Variants in TTN observed in about 807,000 individuals in gnomAD.
The protein encoded by TTN is connectin.
In TTN, 1,525 loss-of-function variants were observed where a neutral mutation model predicts 3,223.0. The observed-to-expected ratio is 0.47, with a 90% CI of 0.45 to 0.49. The LOEUF is 0.49. Among genes scored for constraint, TTN ranks in the 20% least tolerant of loss-of-function variants. TTN has a pLI of 0.00. For missense variants in TTN, 40,786 were observed against 43,424.0 expected (o/e 0.94, Z 5.40); for synonymous variants, 14,094 against 15,161.0 (o/e 0.93, Z 5.17).
intron 239 of TTN, 29 bp from the exon 240 acceptor site, chr2:178,629,472 G>A (rs750567948): frequency 1.1e-5 from 17 of 1,611,144 alleles, no homozygotes; most frequent in South Asian, 9.9e-5. Flanking sequence ...ACAGCTTTGC[G>A]TTACTCATTT....
intron 88 of TTN, among the ~76,000 whole-genome samples, chr2:178,716,750 C>T (rs940449135): frequency 3.3e-5 from 5 of 152,070 alleles, no homozygotes; most frequent in Admixed American, 6.5e-5. Context: ...TTACTAAGTA[C>T]TGTGGGAAAA....
chr2:178,642,297 C>A lies in TTN; in HGVS notation c.40498G>T (p.Val13500Phe), dbSNP rs201944202. 1.6e-3 allele frequency: 2,480 copies of A among 1,593,510 alleles called. 3 individuals carry two copies. The highest frequency in any genetic ancestry group is 2.0e-3 in the Non-Finnish European group (2,393 of 1,169,140). The change falls in exon 219 of 363, where the codon GTT becomes TTT. Residue 13500 changes from valine to phenylalanine, a missense_variant. Transcript: ENST00000589042. ...PLKVPGGEKK[V>F]RKLLPERKPE... ...TTACGTTCCGGAAGTAATTTGCGAA[C>A]TTTCTTTTCACCTCCAGGCACTTAA...
At chr2:178,771,920 G>A (rs2091554991) in intron 33 of TTN, among the ~76,000 whole-genome samples, 1 of 152,154 alleles carries the variant, frequency 6.6e-6, no homozygotes, top group Non-Finnish European at 1.5e-5. Flanking sequence ...AAATCACTGT[G>A]TTGGCAAATG....
chr2:178,778,125 T>C, intron 24 of TTN, 150 bp from the exon 25 acceptor site: 4 of 972,134 alleles, frequency 4.1e-6, no homozygotes, highest in Non-Finnish European at 6.2e-6. Flanking sequence ...AGATCTAAAA[T>C]AGAATATATT....
Position 178,653,246 on chromosome 2 carries a change from G to T in TTN, c.38783C>A (p.Pro12928His). Reference protein sequence around the residue: ...LAPPKKPEVPPVKVPEAPKEV... With the variant: ...LAPPKKPEVPHVKVPEAPKEV... Reference sequence around the variant, plus strand: ...AGGTCAGTGACAAATACCTTTAACAGGTGGGACTTCAGGCTTTTTAGGAGG... The same window carrying T: ...AGGTCAGTGACAAATACCTTTAACATGTGGGACTTCAGGCTTTTTAGGAGG... Residue 12928 changes from proline (P) to histidine (H), a missense_variant, in exon 198 of 363, where the codon CCT (proline) becomes CAT (histidine). Physicochemically the swap from Pro to His is moderately conservative, Grantham distance 77. Coordinates refer to ENST00000589042, the MANE Select transcript of TTN (RefSeq NM_001267550.2). 6.2e-7 allele frequency: 1 copy of T among 1,612,038 alleles called. No homozygotes were observed. Among genetic ancestry groups the T allele is most frequent in the African/African-American group, 1.3e-5 (1 of 74,872 alleles).
chr2:178,789,331 G>A (rs2093367976), intron 13 of TTN, 29 bp downstream of exon 13: 1 of 1,612,126 alleles, frequency 6.2e-7, no homozygotes, highest in South Asian at 1.1e-5. Context: ...TATAATAGGG[G>A]ATTTCACACT....
chr2:178,787,672 C>A (rs2093274163), intron 13 of TTN, among the ~76,000 whole-genome samples: 1 of 152,012 alleles, frequency 6.6e-6, no homozygotes, highest in African/African-American at 2.4e-5. Context: ...AAATATCACA[C>A]AACTGAAATA....
At chr2:178,750,523 G>A (rs1482705228) in intron 47 of TTN, 2 of 1,612,500 alleles carry the variant, frequency 1.2e-6, no homozygotes, top group African/African-American at 1.3e-5. Flanking sequence ...AATTACAACT[G>A]TCACCTTCAT....
chr2:178,538,014 C>T (rs1692436487), intron 354 of TTN, 97 bp from the exon 355 acceptor site: 1 of 1,102,430 alleles, frequency 9.1e-7, no homozygotes, highest in African/African-American at 1.6e-5. Context: ...TATTTACTGA[C>T]ACATACCATG....
chr2:178,716,267 A>G (rs2077467117), intron 88 of TTN, among the ~76,000 whole-genome samples: 1 of 152,138 alleles, frequency 6.6e-6, no homozygotes, highest in African/African-American at 2.4e-5. Context: ...TTCCTCTTTT[A>G]GGTGTTAAAT....
In TTN at chr2:178,729,275, T is replaced by A. The variant is rs757260208; in HGVS notation, c.18868+13A>T. Reference sequence around the variant, plus strand: ...GAATTTTTATTTGATAGGCTGCTTCTTGTATAACTGACCTTTCAGGGCAAC... The same window carrying A: ...GAATTTTTATTTGATAGGCTGCTTCATGTATAACTGACCTTTCAGGGCAAC... On this transcript the variant is annotated intron_variant, in intron 64 of 362. Coordinates refer to ENST00000589042, the MANE Select transcript of TTN (RefSeq NM_001267550.2). 2 of 1,580,822 alleles carry A rather than the reference T, an allele frequency of 1.3e-6. No homozygotes were observed. The highest frequency in any genetic ancestry group is 2.3e-5 in the South Asian group (2 of 85,828).
At position 178,607,849 on chromosome 2, in the gene TTN, A is replaced by G; in HGVS notation, c.52938T>C (p.Ala17646=). The G allele has an allele frequency of 6.2e-7, 1 of 1,613,070 alleles. No homozygotes were observed. Among genetic ancestry groups the G allele is most frequent in the East Asian group, 2.2e-5 (1 of 44,694 alleles). The change falls in exon 276 of 363, where the codon GCT becomes GCC. Residue 17646 remains alanine, a synonymous_variant. Transcript: ENST00000589042. ...EGADYKLRVS[A]VNAAGEGPPG... Reference sequence around the variant, plus strand: ...GCGGTCCTTCCCCTGCGGCATTGACAGCACTCACCCGAAGTTTGTAATCAG... The same window carrying G: ...GCGGTCCTTCCCCTGCGGCATTGACGGCACTCACCCGAAGTTTGTAATCAG...
chr2:178,559,400 T>C lies in TTN; in HGVS notation c.86732A>G (p.Glu28911Gly). 6.2e-7 allele frequency: 1 copy of C among 1,613,112 alleles called. No individual in the cohort carries two copies. Among genetic ancestry groups the C allele is most frequent in the Non-Finnish European group, 8.5e-7 (1 of 1,179,102 alleles). The change falls in exon 326 of 363, where the codon GAA becomes GGA. Residue 28911 changes from glutamate (E) to glycine (G), a missense_variant. Glu to Gly is a moderately conservative substitution (Grantham distance 98). Transcript: ENST00000589042. ...RLSYKVTNLQ[E>G]GAIYYFRVSG... ...GACTCTGAAGTAATAGATAGCTCCT[T>C]CTTGTAAATTGGTAACTTTGTAGGA...
rs1404072291 is a variant in TTN, at chr2:178,553,513, T to G, written c.89492A>C (p.Lys29831Thr). The G allele has an allele frequency of 2.5e-6, 4 of 1,610,140 alleles. No homozygotes were observed. The highest frequency in any genetic ancestry group is 2.5e-6 in the Non-Finnish European group (3 of 1,178,016). Reference sequence around the variant, plus strand: ...CAGTAGGTACATACCAAGTATATCTTTAGCTTGTACAGGTTCATTCATTTC... The same window carrying G: ...CAGTAGGTACATACCAAGTATATCTGTAGCTTGTACAGGTTCATTCATTTC... ...PIEMNEPVQA[K>T]DILEAPEIDL... The change falls in exon 334 of 363, where the codon AAA becomes ACA. Residue 29831 changes from lysine (K) to threonine (T), a missense_variant. Physicochemically the swap from Lys to Thr is moderately conservative, Grantham distance 78 (BLOSUM62 -1). Transcript: ENST00000589042.
Position 178,705,349 on chromosome 2 carries a change from A to G in TTN, c.29429T>C (p.Ile9810Thr), listed in dbSNP as rs781737736. Residue 9810 changes from isoleucine to threonine, a missense_variant, in exon 103 of 363, where the codon ATC (isoleucine) becomes ACC (threonine). Physicochemically the swap from Ile to Thr is moderately conservative, Grantham distance 89. Transcript: ENST00000589042. ...TTCTTCTCCAGCTCCTTTCTTTAAG[A>G]TTGGAGTCCTAAATAAAATTTAAAA... ...DLRAMLKKTP[I>T]LKKGAGEEEE... 13 of 1,571,576 alleles carry G rather than the reference A, an allele frequency of 8.3e-6. No homozygotes were observed. The Admixed American group carries it at 1.2e-4, about 14-fold the overall frequency.
In TTN at chr2:178,572,259, A is replaced by C; in HGVS notation, c.73873T>G (p.Leu24625Val). ...ERPLPPGKIT[L>V]MDVTRNSVSL... ...ACACTATTTCTTGTGACATCCATCA[A>C]AGTTATTTTTCCTGGAGGAAGAGGT... The change falls in exon 326 of 363, where the codon TTG becomes GTG. Residue 24625 changes from leucine to valine, a missense_variant. Coordinates refer to ENST00000589042, the MANE Select transcript of TTN (RefSeq NM_001267550.2). 6.2e-7 allele frequency: 1 copy of C among 1,613,178 alleles called. No individual in the cohort carries two copies. The highest frequency in any genetic ancestry group is 1.1e-5 in the South Asian group (1 of 91,024).
chr2:178,605,557 T>A lies in TTN; in HGVS notation c.53738A>T (p.Asn17913Ile). The change falls in exon 279 of 363, where the codon AAC (asparagine) becomes ATC (isoleucine). Residue 17913 changes from asparagine to isoleucine, a missense_variant. Coordinates refer to ENST00000589042, the MANE Select transcript of TTN (RefSeq NM_001267550.2). The stretch of plus-strand genomic sequence containing the variant: ...AGATGTGGTTGGGCAGAGTCGCTTG[T>A]TAACTCTTTCAAAGTCAGGTTTGTC... ...RHDKPDFERV[N>I]KRLCPTTSFL... 1 of 1,612,390 alleles carries A rather than the reference T, an allele frequency of 6.2e-7. No homozygotes were observed. The highest frequency in any genetic ancestry group is 8.5e-7 in the Non-Finnish European group (1 of 1,178,884).
intron 102 of TTN, among the ~76,000 whole-genome samples, chr2:178,706,247 C>T (rs2075845940): frequency 6.6e-6 from 1 of 152,222 alleles, no homozygotes; most frequent in South Asian, 2.1e-4. Context: ...AACCTATGCA[C>T]ATCCTCCCAT....
At position 178,620,369 on chromosome 2, in the gene TTN, A is replaced by G; in HGVS notation, c.46152T>C (p.Leu15384=). ...TAGQDKSVAE[L]LIIEAPTEFV... ...ATTCTGTCGGGGCTTCTATGATGAG[A>G]AGCTCAGCAACAGATTTATCTTGTC... is the stretch of plus-strand genomic sequence containing the variant. Residue 15384 remains leucine (L), a synonymous_variant, in exon 248 of 363, where the codon CTT becomes CTC. Coordinates refer to ENST00000589042, the MANE Select transcript of TTN (RefSeq NM_001267550.2). 1 of 1,610,450 alleles carries G rather than the reference A, an allele frequency of 6.2e-7. No homozygotes were observed. Among genetic ancestry groups the G allele is most frequent in the South Asian group, 1.1e-5 (1 of 90,512 alleles).
Sources: gnomAD v4.1 joint callset for allele counts (sites outside exome capture counted in the v4.1 genomes callset) on GRCh38, gnomAD v4.1.1 for gene constraint, MANE v1.5 for transcripts, NCBI Gene and HGNC (gene_info 2026-07-23, HGNC 2026-07-21) for gene names.